The following TRHDE variants were observed in gnomAD, a reference collection of about 807,000 sequenced individuals.
TRHDE encodes thyrotropin releasing hormone degrading enzyme.
In TRHDE, 72 loss-of-function variants were observed where a neutral mutation model predicts 125.7. The observed-to-expected ratio is 0.57, with a 90% CI of 0.47 to 0.70. The LOEUF is 0.70. TRHDE is among the 30% of genes least tolerant of loss of function. TRHDE has a pLI of 0.00. For missense variants in TRHDE, 1,110 were observed against 1,327.1 expected (o/e 0.84, Z 2.54); for synonymous variants, 509 against 509.1 (o/e 1.00, Z 0.00).
In TRHDE at chr12:72,669,579, T is replaced by A. The variant is rs1387505263; in HGVS notation, c.*6384T>A. ...GTAGCTACCCTTTTAACCTCTACTA[T>A]GTTCACAGTATTGCATTTGCTCTTG... On this transcript the variant is annotated 3_prime_UTR_variant, in exon 19 of 19. Coordinates refer to ENST00000261180, the MANE Select transcript of TRHDE (RefSeq NM_013381.3). The A allele has an allele frequency of 6.6e-6, 1 of 151,906 alleles. No homozygotes were observed. Among genetic ancestry groups the A allele is most frequent in the Non-Finnish European group, 1.5e-5 (1 of 67,884 alleles). 9.4% of individuals were successfully genotyped at this position (151,906 alleles called of 1,614,324 possible). A position where few individuals can be genotyped will look rare whatever the true frequency, so the allele number is the denominator to read the frequency against.
intron 6 of TRHDE, among the ~76,000 whole-genome samples, chr12:72,517,096 T>G (rs1878908272): frequency 6.6e-6 from 1 of 151,934 alleles, no homozygotes; most frequent in African/African-American, 2.4e-5. Flanking sequence ...GATATTGGTC[T>G]AAAATTCTCT....
At chr12:72,288,504 T>C (rs1483165338) in intron 2 of TRHDE, among the ~76,000 whole-genome samples, 1 of 152,162 alleles carries the variant, frequency 6.6e-6, no homozygotes, top group Non-Finnish European at 1.5e-5. Context: ...ATATGTTGAA[T>C]TTCTCTGATG....
chr12:72,634,843 A>T (rs1873662227), intron 15 of TRHDE, among the ~76,000 whole-genome samples: 1 of 151,690 alleles, frequency 6.6e-6, no homozygotes, highest in South Asian at 2.1e-4. Context: ...ATCATTTTTT[A>T]TGGCTGCATA....
intron 3 of TRHDE, among the ~76,000 whole-genome samples, chr12:72,399,217 C>A (rs965079071): frequency 2.0e-5 from 3 of 152,176 alleles, no homozygotes; most frequent in African/African-American, 7.2e-5. Context: ...AAAACTGGTC[C>A]CCGAAGCCAA....
rs576592190 is a variant in TRHDE, at chr12:72,130,318, T to A, written n.279+24566T>A. On this transcript the variant is annotated intron_variant and non_coding_transcript_variant, in intron 2 of 4. Transcript: ENST00000548156. Reference sequence around the variant, plus strand: ...AGAAAAACAAAAGTCTTACCCAGGTTACTCTATAAATTCAATGCTGAGGTA... The same window carrying A: ...AGAAAAACAAAAGTCTTACCCAGGTAACTCTATAAATTCAATGCTGAGGTA... 5.1e-4 allele frequency among the ~76,000 whole-genome samples: 77 copies of A among 152,256 alleles called. 1 individual carries two copies. Among genetic ancestry groups the A allele is most frequent in the African/African-American group, 1.7e-3 (72 of 41,542 alleles).
At chr12:72,439,137 C>T (rs1394553319) in intron 3 of TRHDE, among the ~76,000 whole-genome samples, 1 of 151,742 alleles carries the variant, frequency 6.6e-6, no homozygotes, top group Non-Finnish European at 1.5e-5. Context: ...TGGGCTCTCT[C>T]TTCTGCTTAA....
chr12:72,653,816 C>T (rs1026086634), intron 17 of TRHDE, among the ~76,000 whole-genome samples: 1 of 152,020 alleles, frequency 6.6e-6, no homozygotes, highest in African/African-American at 2.4e-5. Flanking sequence ...CATGTAAATG[C>T]TGCTTGTTTT....
In TRHDE at chr12:72,209,059, A is replaced by G. The variant is rs77177696; in HGVS notation, n.279+103307A>G. On this transcript the variant is annotated intron_variant and non_coding_transcript_variant, in intron 2 of 4. Transcript: ENST00000548156. ...AGATTGGCCTCCTTGTCTATTTCTC[A>G]TCATAGAGGATCTTCCACATGTCTT... is the stretch of plus-strand genomic sequence containing the variant. Among the ~76,000 whole-genome samples the G allele has an allele frequency of 7.1e-4, 108 of 152,128 alleles. 1 individual carries two copies. The East Asian group carries it at 0.016, about 23-fold the overall frequency.
chr12:72,394,776 A>G (rs868114126), intron 3 of TRHDE, among the ~76,000 whole-genome samples: 1 of 152,088 alleles, frequency 6.6e-6, no homozygotes. Context: ...CCAGGTTGCT[A>G]TTTATCTTTG....
chr12:72,510,508 G>A (rs1444606), intron 6 of TRHDE, among the ~76,000 whole-genome samples: 59,941 of 151,940 alleles, frequency 0.39, 14,211 homozygotes, highest in African/African-American at 0.66. Flanking sequence ...AGAGGCCTAG[G>A]AAGTTTAATG....
At chr12:72,420,343 A>G (rs1873900567) in intron 3 of TRHDE, among the ~76,000 whole-genome samples, 1 of 152,170 alleles carries the variant, frequency 6.6e-6, no homozygotes, top group South Asian at 2.1e-4. Context: ...TCTGATTTTC[A>G]TAGAATGATG....
chr12:72,432,291 G>T (rs1284818626), intron 3 of TRHDE, among the ~76,000 whole-genome samples: 1 of 152,128 alleles, frequency 6.6e-6, no homozygotes, highest in Non-Finnish European at 1.5e-5. Context: ...CAAGAAGCTG[G>T]AGCTGCTTGC....
At chr12:72,257,272 C>A (rs1878840371) in intron 2 of TRHDE, 1 of 152,076 alleles carries the variant, frequency 6.6e-6, no homozygotes, top group Non-Finnish European at 1.5e-5. Flanking sequence ...AATTCCACAC[C>A]TGACTTTAGG....
intron 2 of TRHDE, among the ~76,000 whole-genome samples, chr12:72,157,349 G>A (rs1378175821): frequency 1.3e-5 from 2 of 152,144 alleles, no homozygotes; most frequent in Non-Finnish European, 2.9e-5. Flanking sequence ...GAGCAGAAGA[G>A]TGACATTATC....
intron 7 of TRHDE, among the ~76,000 whole-genome samples, chr12:72,550,059 T>C (rs920885912): frequency 4.0e-5 from 6 of 151,890 alleles, no homozygotes; most frequent in Non-Finnish European, 7.4e-5. Context: ...TATCTATTAG[T>C]TAAGGGCTCA....
At chr12:72,415,995 C>T (rs1873714737) in intron 3 of TRHDE, among the ~76,000 whole-genome samples, 1 of 151,992 alleles carries the variant, frequency 6.6e-6, no homozygotes, top group Non-Finnish European at 1.5e-5. Flanking sequence ...TTTACTTTAC[C>T]ATAAACAGTG....
intron 12 of TRHDE, among the ~76,000 whole-genome samples, chr12:72,584,339 A>G (rs552537161): frequency 5.3e-5 from 8 of 152,164 alleles, no homozygotes; most frequent in Non-Finnish European, 1.0e-4. Context: ...AAGTATATGT[A>G]TGTTGTGAAA....
rs1386247455 is a variant in TRHDE, at chr12:72,127,106, AC to A, written n.279+21355del. On this transcript the variant is annotated intron_variant and non_coding_transcript_variant, in intron 2 of 4. Transcript: ENST00000548156. ...AACATATGAAAAAATGTTCTTTCTC[AC>A]TAATCATCAAAGAAATGCAAATCAA... 1.1e-4 allele frequency among the ~76,000 whole-genome samples: 17 copies of A among 152,220 alleles called. 1 individual carries two copies.
intron 6 of TRHDE, among the ~76,000 whole-genome samples, chr12:72,523,189 CT>C (rs1197228322): frequency 6.6e-5 from 10 of 150,876 alleles, no homozygotes; most frequent in African/African-American, 1.7e-4. Context: ...GAGTAACTTG[CT>C]TTTTTTTTCT....
Sources: gnomAD v4.1 joint callset for allele counts (sites outside exome capture counted in the v4.1 genomes callset) on GRCh38, gnomAD v4.1.1 for gene constraint, MANE v1.5 for transcripts, NCBI Gene and HGNC (gene_info 2026-07-23, HGNC 2026-07-21) for gene names.